ERC1: variants seen among roughly 807,000 people sequenced by gnomAD.
ERC1 encodes RAB6 interacting protein 2.
In ERC1, 56 loss-of-function variants were observed where a neutral mutation model predicts 132.0. That is an observed-to-expected ratio of 0.42 (90% confidence interval 0.34 to 0.53). The LOEUF (loss-of-function observed/expected upper bound fraction) is 0.53, where lower values mean the gene tolerates loss of function less well. ERC1 is among the 20% of genes least tolerant of loss of function. The probability of loss-of-function intolerance (pLI) is 0.03; values close to 1 mark genes in which losing one functional copy is unlikely to be tolerated. For synonymous variants in ERC1, 478 were observed against 476.1 expected (o/e 1.00, Z -0.05); for missense variants, 1,202 against 1,349.9 (o/e 0.89, Z 1.72).
rs145423976 is a variant in ERC1 at position 1,469,996 on chromosome 12, G to A, written c.3214-20097G>A. On this transcript the variant is annotated intron_variant, in intron 18 of 18. Coordinates refer to ENST00000360905, the MANE Select transcript of ERC1 (RefSeq NM_178040.4). ...ACGGGACCCTAGAGCTCTGGCAGTCGTGGAACCCCTTCCATGGCCCTTGTG... is the reference window on the plus strand; with the variant it reads ...ACGGGACCCTAGAGCTCTGGCAGTCATGGAACCCCTTCCATGGCCCTTGTG... 4.6e-3 allele frequency among the ~76,000 whole-genome samples: 699 copies of A among 152,034 alleles called. 4 individuals carry two copies. The highest frequency in any genetic ancestry group is 0.016 in the African/African-American group (653 of 41,454).
intron 15 of ERC1, among the ~76,000 whole-genome samples, chr12:1,296,025 A>C (rs1594829742): frequency 1.6e-5 from 2 of 121,718 alleles, no homozygotes; most frequent in Middle Eastern, 9.3e-3. Context: ...AAAAAAAAAA[A>C]ACAACTAAAT....
At chr12:1,411,405 G>C (rs1009973648) in intron 17 of ERC1, among the ~76,000 whole-genome samples, 1 of 152,068 alleles carries the variant, frequency 6.6e-6, no homozygotes, top group African/African-American at 2.4e-5. Flanking sequence ...TTCTTAAAAT[G>C]ATGAGGACAT....
intron 15 of ERC1, among the ~76,000 whole-genome samples, chr12:1,349,298 C>T (rs1022420352): frequency 1.3e-5 from 2 of 152,098 alleles, no homozygotes; most frequent in Non-Finnish European, 2.9e-5. Context: ...TCAGTAAATC[C>T]GTAAAGTGAG....
chr12:1,028,614 T>G lies in ERC1; in HGVS notation c.669+42T>G. The G allele has an allele frequency of 2.7e-6, 4 of 1,476,128 alleles. No homozygotes were observed. In the South Asian group the frequency reaches 5.0e-5, roughly 18 times the overall value. The allele number at this position is 1,476,128 out of a possible 1,614,324, so 91.4% of individuals were successfully genotyped here. On this transcript the variant is annotated intron_variant, in intron 2 of 18. Coordinates refer to ENST00000360905, the MANE Select transcript of ERC1 (RefSeq NM_178040.4). ...TTTACCTTTATTGGCTGAATTCATG[T>G]ATATAAATGAAATAGCCTTTTTTTC...
At chr12:1,064,134 TA>T (rs1938610777) in intron 2 of ERC1, among the ~76,000 whole-genome samples, 2 of 152,316 alleles carry the variant, frequency 1.3e-5, no homozygotes, top group Non-Finnish European at 2.9e-5. Flanking sequence ...TCCTGACTTG[TA>T]AAGTTTCTGC....
chr12:1,160,047 C>T (rs1314769375), intron 8 of ERC1, among the ~76,000 whole-genome samples: 1 of 151,906 alleles, frequency 6.6e-6, no homozygotes, highest in East Asian at 1.9e-4. Context: ...CATGGAGAAT[C>T]TTTTGACTCT....
At chr12:1,059,260 T>A (rs1381332465) in intron 2 of ERC1, among the ~76,000 whole-genome samples, 1 of 152,228 alleles carries the variant, frequency 6.6e-6, no homozygotes, top group Admixed American at 6.5e-5. Context: ...TTTCTAGATA[T>A]AAGAACATGT....
intron 8 of ERC1, among the ~76,000 whole-genome samples, chr12:1,160,924 A>G (rs1767814393): frequency 1.3e-5 from 2 of 152,062 alleles, no homozygotes; most frequent in Admixed American, 1.3e-4. Context: ...TGATACCTTG[A>G]TAGTGAACCA....
At chr12:1,349,188 G>A (rs145588857) in intron 15 of ERC1, among the ~76,000 whole-genome samples, 29 of 152,268 alleles carry the variant, frequency 1.9e-4, no homozygotes, top group African/African-American at 6.5e-4. Flanking sequence ...AGTCAGTTCC[G>A]TGTTTATAAC....
At position 1,189,855 on chromosome 12, in the gene ERC1, G is replaced by T. The variant is rs191680119; in HGVS notation, c.2158-4G>T. 6.3e-7 allele frequency: 1 copy of T among 1,588,004 alleles called. No individual in the cohort carries two copies. The highest frequency in any genetic ancestry group is 8.6e-7 in the Non-Finnish European group (1 of 1,166,176). ...TGATAGGATTGAAATGCTTTTCTTT[G>T]TAGGCACATGAGGCAGCATTGGAAG... is the stretch of plus-strand genomic sequence containing the variant. On this transcript the variant is annotated splice_region_variant and splice_polypyrimidine_tract_variant and intron_variant, in intron 11 of 18. Coordinates refer to ENST00000360905, the MANE Select transcript of ERC1 (RefSeq NM_178040.4).
At chr12:1,012,672 T>C (rs2154139900) in intron 1 of ERC1, among the ~76,000 whole-genome samples, 2 of 152,092 alleles carry the variant, frequency 1.3e-5, no homozygotes, top group South Asian at 4.1e-4. Flanking sequence ...GCAAGGATGG[T>C]CTCGATCTCC....
At chr12:1,179,507 T>C (rs1015125927) in intron 8 of ERC1, among the ~76,000 whole-genome samples, 11 of 79,414 alleles carry the variant, frequency 1.4e-4, no homozygotes, top group African/African-American at 3.6e-4. Flanking sequence ...TTTCTTTTTT[T>C]TTTTTTTTTT....
intron 2 of ERC1, among the ~76,000 whole-genome samples, chr12:1,031,202 G>A (rs541018165): frequency 6.6e-6 from 1 of 152,244 alleles, no homozygotes; most frequent in South Asian, 2.1e-4. Flanking sequence ...AAACAGAAAA[G>A]CATAGATATG....
chr12:990,827 C>G (rs1157912235), upstream of ERC1, among the ~76,000 whole-genome samples: 12 of 151,674 alleles, frequency 7.9e-5, no homozygotes, highest in Non-Finnish European at 1.5e-4. Context: ...CACGAAGCGG[C>G]TCCTCGGGCT....
chr12:1,129,116 T>C (rs908168780), intron 7 of ERC1, among the ~76,000 whole-genome samples: 3 of 152,172 alleles, frequency 2.0e-5, no homozygotes, highest in Admixed American at 2.0e-4. Context: ...AGGAACAAAT[T>C]ATTCTTGAGC....
intron 14 of ERC1, among the ~76,000 whole-genome samples, chr12:1,287,082 G>T (rs1357773075): frequency 6.6e-6 from 1 of 152,150 alleles, no homozygotes; most frequent in African/African-American, 2.4e-5. Context: ...CTAGGCAAAA[G>T]AGTGGATCAT....
intron 13 of ERC1, among the ~76,000 whole-genome samples, chr12:1,250,249 A>C (rs1312700147): frequency 6.6e-6 from 1 of 152,322 alleles, no homozygotes; most frequent in African/African-American, 2.4e-5. Flanking sequence ...GTGGATTTCC[A>C]GTTTTACTAC....
chr12:1,348,169 T>C (rs1278411887), intron 15 of ERC1, among the ~76,000 whole-genome samples: 1 of 152,202 alleles, frequency 6.6e-6, no homozygotes, highest in Non-Finnish European at 1.5e-5. Context: ...GTGTAAATGA[T>C]CTACCAGTGC....
At chr12:1,056,185 T>A (rs1972929327) in intron 2 of ERC1, among the ~76,000 whole-genome samples, 1 of 152,110 alleles carries the variant, frequency 6.6e-6, no homozygotes, top group Non-Finnish European at 1.5e-5. Flanking sequence ...TAATTTTTCT[T>A]TTTATCTGTA....
Sources: allele counts gnomAD v4.1 joint callset (sites outside exome capture counted in the v4.1 genomes callset), GRCh38; gene constraint gnomAD v4.1.1; transcripts MANE v1.5; gene names NCBI Gene and HGNC (gene_info 2026-07-23, HGNC 2026-07-21).